ZNF248: variants seen among roughly 807,000 people sequenced by gnomAD.
ZNF248 encodes the protein KRAB protein domain.
A neutral mutation model predicts 44.3 loss-of-function variants in ZNF248; 20 were observed. That is an observed-to-expected ratio of 0.45 (90% confidence interval 0.32 to 0.66). The LOEUF (loss-of-function observed/expected upper bound fraction) is 0.66, where lower values mean the gene tolerates loss of function less well. ZNF248 is among the 30% of genes least tolerant of loss of function. The probability of loss-of-function intolerance (pLI) is 0.04; values close to 1 mark genes in which losing one functional copy is unlikely to be tolerated. For missense variants in ZNF248, 654 were observed against 677.0 expected (o/e 0.97, Z 0.38); for synonymous variants, 224 against 229.0 (o/e 0.98, Z 0.20).
the ZNF248 span, among the ~76,000 whole-genome samples, chr10:37,767,639 A>C: frequency 6.6e-6 from 1 of 152,240 alleles, no homozygotes; most frequent in African/African-American, 2.4e-5. Context: ...AAACATGGAA[A>C]GGAACAACCA....
Position 37,831,754 on chromosome 10 carries a change from G to A in ZNF248, c.1601C>T (p.Ala534Val). Residue 534 changes from alanine (A) to valine (V), a missense_variant, in exon 6 of 6, where the codon GCT (alanine) becomes GTT (valine). Transcript: ENST00000395867. ...ECGKTFCEKS[A>V]LTKHQRTHTG... ...GTGAGTCCTCTGATGTTTAGTGAGA[G>A]CTGATTTTTCACAGAAGGTTTTCCC... 6.2e-7 allele frequency: 1 copy of A among 1,611,800 alleles called. No individual in the cohort carries two copies. Among genetic ancestry groups the A allele is most frequent in the Non-Finnish European group, 8.5e-7 (1 of 1,178,916 alleles).
At chr10:37,784,492 A>G (rs184903543) in intron 6 of ZNF248, among the ~76,000 whole-genome samples, 1 of 152,376 alleles carries the variant, frequency 6.6e-6, no homozygotes, top group East Asian at 1.9e-4. Context: ...ATCAGAAGCA[A>G]TATCAATCTC....
At chr10:37,841,402 C>T (rs1644746302) in intron 3 of ZNF248, among the ~76,000 whole-genome samples, 1 of 151,448 alleles carries the variant, frequency 6.6e-6, no homozygotes, top group Admixed American at 6.6e-5. Flanking sequence ...ATTTCTCTGA[C>T]CACTTTGTTG....
chr10:37,797,355 G>T (rs948867960), intron 6 of ZNF248, among the ~76,000 whole-genome samples: 6 of 151,112 alleles, frequency 4.0e-5, no homozygotes, highest in African/African-American at 1.5e-4. Flanking sequence ...ACCCCTTGAG[G>T]AAAACATAGG....
intron 6 of ZNF248, among the ~76,000 whole-genome samples, chr10:37,792,764 G>C (rs1378529518): frequency 6.6e-6 from 1 of 152,102 alleles, no homozygotes; most frequent in African/African-American, 2.4e-5. Context: ...CAAAACATTT[G>C]ACCAGTATTC....
intron 3 of ZNF248, among the ~76,000 whole-genome samples, chr10:37,844,398 CG>C (rs1170022247): frequency 6.6e-6 from 1 of 151,896 alleles, no homozygotes; most frequent in East Asian, 1.9e-4. Context: ...AACTCAACGC[CG>C]TATGAAGAAA....
intron 3 of ZNF248, among the ~76,000 whole-genome samples, chr10:37,838,788 G>C (rs1443145784): frequency 6.6e-6 from 1 of 151,316 alleles, no homozygotes; most frequent in Non-Finnish European, 1.5e-5. Context: ...CGTGATAGTA[G>C]AATTAACAAA....
chr10:37,804,101 C>CTTTTTTTTT (rs59261731), intron 6 of ZNF248, among the ~76,000 whole-genome samples: 4 of 124,928 alleles, frequency 3.2e-5, no homozygotes, highest in Non-Finnish European at 4.9e-5. Context: ...TTTTCTTTTT[C>CTTTTTTTTT]TTTTTTTTTT....
chr10:37,855,673 C>T (rs1474092695), intron 3 of ZNF248, among the ~76,000 whole-genome samples: 2 of 152,204 alleles, frequency 1.3e-5, no homozygotes, highest in African/African-American at 2.4e-5. Context: ...GCAGACCAGG[C>T]AAGTAATGCA....
intron 6 of ZNF248, among the ~76,000 whole-genome samples, chr10:37,816,544 G>A (rs1490440696): frequency 1.3e-5 from 2 of 152,146 alleles, no homozygotes; most frequent in Non-Finnish European, 2.9e-5. Context: ...ACACAAGGGG[G>A]GCCTATTATT....
chr10:37,793,478 AT>A (rs2048796495), intron 6 of ZNF248, among the ~76,000 whole-genome samples: 1 of 152,226 alleles, frequency 6.6e-6, no homozygotes, highest in African/African-American at 2.4e-5. Flanking sequence ...GGCCAAAAAA[AT>A]GTTGAAGAAA....
At chr10:37,803,253 G>C (rs2050056144) in intron 6 of ZNF248, 1 of 152,184 alleles carries the variant, frequency 6.6e-6, no homozygotes, top group South Asian at 2.1e-4. Context: ...TAGGAACAAT[G>C]ATGCATCTCC....
the ZNF248 span, among the ~76,000 whole-genome samples, chr10:37,770,357 T>C: frequency 1.3e-5 from 2 of 152,190 alleles, no homozygotes; most frequent in Non-Finnish European, 2.9e-5. Context: ...GGCATTACGC[T>C]ACCTGACTTC....
At chr10:37,812,294 T>A (rs886595854) in intron 6 of ZNF248, among the ~76,000 whole-genome samples, 1 of 151,738 alleles carries the variant, frequency 6.6e-6, no homozygotes, top group Non-Finnish European at 1.5e-5. Flanking sequence ...AACAGGTCTT[T>A]AATGTAGACA....
chr10:37,792,556 A>G (rs2048685972), intron 6 of ZNF248, among the ~76,000 whole-genome samples: 1 of 152,228 alleles, frequency 6.6e-6, no homozygotes, highest in Non-Finnish European at 1.5e-5. Context: ...GTAACTTTAC[A>G]GGTGAGAAAC....
chr10:37,759,345 T>C, the ZNF248 span, among the ~76,000 whole-genome samples: 3 of 152,152 alleles, frequency 2.0e-5, no homozygotes, highest in Admixed American at 6.6e-5. Flanking sequence ...ACCAACACAC[T>C]CCCCAGAAAC....
intron 6 of ZNF248, among the ~76,000 whole-genome samples, chr10:37,780,200 A>G (rs1043188206): frequency 2.0e-5 from 3 of 151,820 alleles, no homozygotes; most frequent in Non-Finnish European, 4.4e-5. Context: ...AGGAGCCCGC[A>G]TCGCCAAGTC....
chr10:37,854,994 T>C (rs1440848305), intron 3 of ZNF248, among the ~76,000 whole-genome samples: 1 of 152,216 alleles, frequency 6.6e-6, no homozygotes, highest in Non-Finnish European at 1.5e-5. Flanking sequence ...AGAACCTGCA[T>C]GTTAAAAAGA....
rs191320057 is a variant in ZNF248 at position 37,794,719 on chromosome 10, T to C, written c.331-18144A>G. 9.8e-5 allele frequency: 16 copies of C among 163,102 alleles called. No homozygotes were observed. In the East Asian group the frequency reaches 2.6e-3, roughly 27 times the overall value. The allele number at this position is 163,102 out of a possible 1,614,324, so 10.1% of individuals were successfully genotyped here. ...GTGAGTGTTGACTTGTGGTTAAAGA[T>C]TGTCCCACATTCAGTACATTCATAA... On this transcript the variant is annotated intron_variant, in intron 6 of 6. Transcript: ENST00000615949.
Sources: allele counts gnomAD v4.1 joint callset (sites outside exome capture counted in the v4.1 genomes callset), GRCh38; gene constraint gnomAD v4.1.1; transcripts MANE v1.5; gene names NCBI Gene and HGNC (gene_info 2026-07-23, HGNC 2026-07-21).